The following VPS35L variants were observed in gnomAD, a reference collection of about 807,000 sequenced individuals.
VPS35L encodes VPS35 endosomal protein-sorting factor-like.
A neutral mutation model predicts 133.0 loss-of-function variants in VPS35L; 83 were observed. The ratio of observed to expected loss-of-function variants is 0.62; its 90% CI spans 0.52 to 0.75. The LOEUF (loss-of-function observed/expected upper bound fraction) is 0.75. Ranked by LOEUF, VPS35L falls within the 30% of genes least tolerant of loss-of-function variation. The pLI is 0.00. For missense variants in VPS35L, 1,083 were observed against 1,206.8 expected, an observed-to-expected ratio of 0.90 and a Z score of 1.52; for synonymous variants, 423 against 449.9, an observed-to-expected ratio of 0.94 and a Z score of 0.76.
chr16:19,568,432 G>A (rs137897482), intron 2 of VPS35L, among the ~76,000 whole-genome samples: 55 of 147,360 alleles, frequency 3.7e-4, no homozygotes, highest in African/African-American at 1.2e-3. Context: ...TTGAGGCATC[G>A]TTGCATAGGC....
chr16:19,614,225 T>A (rs972028812), intron 12 of VPS35L, among the ~76,000 whole-genome samples: 1 of 152,210 alleles, frequency 6.6e-6, no homozygotes, highest in African/African-American at 2.4e-5. Context: ...CTGATATTTC[T>A]TGTTAGCATA....
At chr16:19,582,252 C>T (rs1030598106) in intron 7 of VPS35L, among the ~76,000 whole-genome samples, 15 of 152,122 alleles carry the variant, frequency 9.9e-5, no homozygotes, top group Admixed American at 6.6e-4. Flanking sequence ...ATCCTGCTGT[C>T]TCAGCAAAAT....
At chr16:19,570,535 T>C (rs1971328315) in intron 3 of VPS35L, among the ~76,000 whole-genome samples, 1 of 152,040 alleles carries the variant, frequency 6.6e-6, no homozygotes, top group Non-Finnish European at 1.5e-5. Flanking sequence ...GGCTGTAATG[T>C]GTCTTCTTCC....
intron 5 of VPS35L, chr16:19,578,363 GA>G (rs2151514885): frequency 2.4e-6 from 1 of 418,174 alleles, no homozygotes; most frequent in South Asian, 1.7e-5. Flanking sequence ...GACAGAGTAA[GA>G]CCCCATCTCA....
chr16:19,568,581 C>T (rs1265697922), intron 2 of VPS35L, among the ~76,000 whole-genome samples: 1 of 152,108 alleles, frequency 6.6e-6, no homozygotes, highest in Admixed American at 6.6e-5. Flanking sequence ...AGGAGCCCAT[C>T]GGGAGTCACC....
intron 15 of VPS35L, among the ~76,000 whole-genome samples, chr16:19,626,619 G>A (rs1420953053): frequency 1.3e-5 from 2 of 151,850 alleles, no homozygotes; most frequent in African/African-American, 4.8e-5. Context: ...ATAACTAGCC[G>A]GGCTTGGTGG....
chr16:19,620,671 C>T (rs2151557781), intron 14 of VPS35L, among the ~76,000 whole-genome samples: 1 of 152,236 alleles, frequency 6.6e-6, no homozygotes, highest in East Asian at 1.9e-4. Context: ...AAAAATTAGG[C>T]CAGGCGTGGT....
intron 25 of VPS35L, among the ~76,000 whole-genome samples, chr16:19,650,861 A>T (rs1411463001): frequency 6.6e-6 from 1 of 152,000 alleles, no homozygotes; most frequent in Non-Finnish European, 1.5e-5. Flanking sequence ...TTTCCTCTAG[A>T]TAATAATGAT....
At chr16:19,575,474 G>A (rs1285112904) in intron 5 of VPS35L, among the ~76,000 whole-genome samples, 1 of 151,628 alleles carries the variant, frequency 6.6e-6, no homozygotes, top group East Asian at 1.9e-4. Flanking sequence ...GCTGAAGCAG[G>A]AGAATCACTT....
intron 24 of VPS35L, 47 bp downstream of exon 24, chr16:19,647,929 G>T: frequency 7.1e-7 from 1 of 1,418,122 alleles, no homozygotes; most frequent in South Asian, 1.2e-5. Context: ...AATATTTATT[G>T]ATCATCTACA....
At chr16:19,556,707 C>G (rs2028265) in intron 1 of VPS35L, among the ~76,000 whole-genome samples, 32,956 of 152,078 alleles carry the variant, frequency 0.22, 3,971 homozygotes, top group African/African-American at 0.31. Context: ...TTGATAAACA[C>G]TTCATTTTGT....
At chr16:19,664,340 T>G (rs533600123) in intron 26 of VPS35L, among the ~76,000 whole-genome samples, 2 of 151,888 alleles carry the variant, frequency 1.3e-5, no homozygotes, top group South Asian at 2.1e-4. Flanking sequence ...ATGGTGGCTG[T>G]CTGTGTTTGC....
At chr16:19,570,573 T>TA (rs1971329818) in intron 3 of VPS35L, among the ~76,000 whole-genome samples, 1 of 151,924 alleles carries the variant, frequency 6.6e-6, no homozygotes, top group Non-Finnish European at 1.5e-5. Context: ...TTTTCATAGA[T>TA]ACTTGCGATA....
chr16:19,644,685 G>A (rs1973883566), intron 22 of VPS35L, among the ~76,000 whole-genome samples: 1 of 152,200 alleles, frequency 6.6e-6, no homozygotes, highest in East Asian at 1.9e-4. Flanking sequence ...ATTTGAGGGA[G>A]ATGAGAAACA....
intron 12 of VPS35L, among the ~76,000 whole-genome samples, chr16:19,613,856 C>T (rs2151550750): frequency 6.6e-6 from 1 of 152,200 alleles, no homozygotes; most frequent in African/African-American, 2.4e-5. Flanking sequence ...ATCTAATTTG[C>T]CGATACCAGC....
intron 15 of VPS35L, among the ~76,000 whole-genome samples, chr16:19,627,163 A>T (rs1973291088): frequency 6.6e-6 from 1 of 151,746 alleles, no homozygotes; most frequent in Non-Finnish European, 1.5e-5. Context: ...CATGCCTGTA[A>T]TCTCAGTTAC....
Position 19,665,770 on chromosome 16 carries a change from G to A in VPS35L, c.2222-3390G>A, listed in dbSNP as rs922100309. Among the ~76,000 whole-genome samples the A allele has an allele frequency of 2.0e-5, 3 of 152,192 alleles. No homozygotes were observed. In the South Asian group the frequency reaches 6.2e-4, roughly 31 times the overall value. On this transcript the variant is annotated intron_variant, in intron 26 of 30. Coordinates refer to ENST00000417362, the MANE Select transcript of VPS35L (RefSeq NM_020314.7). Reference sequence around the variant, plus strand: ...AACCTCCGAATTGTTCTCCGTAGTAGTTGTACTAATTTAACATTTGCACCA... The same window carrying A: ...AACCTCCGAATTGTTCTCCGTAGTAATTGTACTAATTTAACATTTGCACCA...
chr16:19,661,262 G>C (rs1974477512), intron 26 of VPS35L, among the ~76,000 whole-genome samples: 2 of 151,490 alleles, frequency 1.3e-5, no homozygotes, highest in South Asian at 4.2e-4. Context: ...TCTTCAAATG[G>C]CCCCCCTCTA....
chr16:19,559,748 G>A (rs1018347619), intron 1 of VPS35L, among the ~76,000 whole-genome samples: 5 of 151,620 alleles, frequency 3.3e-5, no homozygotes, highest in Admixed American at 6.6e-5. Context: ...CTCGCCTGCC[G>A]TAATCTCAGC....
Sources: allele counts gnomAD v4.1 joint callset (sites outside exome capture counted in the v4.1 genomes callset), GRCh38; gene constraint gnomAD v4.1.1; transcripts MANE v1.5; gene names NCBI Gene and HGNC (gene_info 2026-07-23, HGNC 2026-07-21).